Variants in C16orf86 observed in about 807,000 individuals in gnomAD.
C16orf86 encodes uncharacterized protein C16orf86.
Under a neutral mutation model 21.5 loss-of-function variants are expected in C16orf86, and 19 were observed. That is an observed-to-expected ratio of 0.88 (90% CI 0.62 to 1.30). The LOEUF is 1.30. Among genes scored for constraint, C16orf86 ranks in the 50% most tolerant of loss-of-function variants. The pLI is 0.00. For missense variants in C16orf86, 391 were observed against 415.8 expected (o/e 0.94, Z 0.52); for synonymous variants, 188 against 183.5 (o/e 1.02, Z -0.20).
At chr16:67,667,614 G>A (rs1324528001) in intron 2 of C16orf86, 89 bp downstream of exon 2, 2 of 1,547,136 alleles carry the variant, frequency 1.3e-6, no homozygotes, top group Admixed American at 2.0e-5. Flanking sequence ...CTCCTGCAGG[G>A]AGGATTCTCG....
rs773590886 is a variant in C16orf86, at chr16:67,668,217, C to T, written c.571C>T (p.Arg191Trp). The T allele has an allele frequency of 3.3e-5, 52 of 1,577,262 alleles. No homozygotes were observed. The highest frequency in any genetic ancestry group is 1.7e-4 in the Middle Eastern group (1 of 5,902). The change falls in exon 4 of 4, where the codon CGG becomes TGG. Residue 191 changes from arginine (R) to tryptophan (W), a missense_variant. Coordinates refer to ENST00000403458, the MANE Select transcript of C16orf86 (RefSeq NM_001012984.3). ...LRLERKAQRLRPLYQYVNYCN... is the reference protein window; with the variant it reads ...LRLERKAQRLWPLYQYVNYCN... Reference sequence around the variant, plus strand: ...CTTTGCAGGAAAGGCCCAGCGCCTGCGGCCGCTGTACCAGTACGTCAACTA... The same window carrying T: ...CTTTGCAGGAAAGGCCCAGCGCCTGTGGCCGCTGTACCAGTACGTCAACTA...
At position 67,667,348 on chromosome 16, in the gene C16orf86, C is replaced by T; in HGVS notation, c.155C>T (p.Thr52Ile). 1.9e-6 allele frequency: 3 copies of T among 1,612,670 alleles called. No homozygotes were observed. The highest frequency in any genetic ancestry group is 2.5e-6 in the Non-Finnish European group (3 of 1,179,864). ...FLVPAHEARG[T>I]QSEDQRPAGA... The stretch of plus-strand genomic sequence containing the variant: ...GTGCCTGCCCATGAGGCCCGCGGAA[C>T]CCAGAGTGAAGACCAGCGCCCAGCA... Residue 52 changes from threonine to isoleucine, a missense_variant, in exon 2 of 4, where the codon ACC (threonine) becomes ATC (isoleucine). Physicochemically the swap from Thr to Ile is moderately conservative, Grantham distance 89. Coordinates refer to ENST00000403458, the MANE Select transcript of C16orf86 (RefSeq NM_001012984.3).
chr16:67,667,403 G>A lies in C16orf86; in HGVS notation c.210G>A (p.Glu70=), dbSNP rs1424691815. The change falls in exon 2 of 4, where the codon GAG becomes GAA. Residue 70 remains glutamate, a synonymous_variant. Transcript: ENST00000403458. ...CAGCTTCGGAGTCGGAGCTCCAGGA[G>A]GAAGGACCCAAGCTGGGGGAGGAGC... is the stretch of plus-strand genomic sequence containing the variant. ...AGAASESELQ[E]EGPKLGEERP... 2.5e-6 allele frequency: 4 copies of A among 1,612,498 alleles called. No individual in the cohort carries two copies. Among genetic ancestry groups the A allele is most frequent in the African/African-American group, 1.3e-5 (1 of 74,944 alleles).
rs776702591 is a variant in C16orf86, at chr16:67,668,486, G to T, written c.840G>T (p.Leu280Phe). 11 of 1,613,160 alleles carry T rather than the reference G, an allele frequency of 6.8e-6. No individual in the cohort carries two copies. The highest frequency in any genetic ancestry group is 9.3e-6 in the Non-Finnish European group (11 of 1,179,804). The change falls in exon 4 of 4, where the codon TTG becomes TTT. Residue 280 changes from leucine to phenylalanine, a missense_variant. Transcript: ENST00000403458. The stretch of plus-strand genomic sequence containing the variant: ...AGGAGCCTGGGGGCTTGCCCAGCTT[G>T]GGGGTGAGTGACCACAAGGCCGAGG... ...AGEEPGGLPSLGVSDHKAEVD... is the reference protein window; with the variant it reads ...AGEEPGGLPSFGVSDHKAEVD...
chr16:67,667,184 C>A, intron 1 of C16orf86, 112 bp downstream of exon 1: 1 of 1,420,574 alleles, frequency 7.0e-7, no homozygotes, highest in Non-Finnish European at 9.7e-7. Context: ...CGGGGAGGGG[C>A]ACAGGCTGGT....
intron 1 of C16orf86, 93 bp downstream of exon 1, chr16:67,667,165 C>A (rs758429721): frequency 9.8e-6 from 14 of 1,429,558 alleles, no homozygotes; most frequent in Non-Finnish European, 1.2e-5. Flanking sequence ...CCAGGCTGGG[C>A]CCTCCAGGCG....
intron 2 of C16orf86, 75 bp from the exon 3 acceptor site, chr16:67,667,803 G>A: frequency 6.6e-7 from 1 of 1,520,748 alleles, no homozygotes; most frequent in South Asian, 1.2e-5. Context: ...GCTGTGGGCA[G>A]GCTGGGCTAT....
At chr16:67,667,705 G>A in intron 2 of C16orf86, 173 bp from the exon 3 acceptor site, 3 of 1,528,152 alleles carry the variant, frequency 2.0e-6, no homozygotes, top group Non-Finnish European at 2.6e-6. Flanking sequence ...GAGCTTCAGG[G>A]CTTGTAGGGG....
rs377734001 is a variant in C16orf86, at chr16:67,667,770, C to G, written c.333-108C>G. The G allele has an allele frequency of 2.8e-4, 429 of 1,515,936 alleles. 3 individuals carry two copies. The East Asian group carries it at 0.01, about 36-fold the overall frequency. The allele number at this position is 1,515,936 out of a possible 1,614,324, so 93.9% of individuals were successfully genotyped here. ...GGCCTGGGGTCTCATTGACCAGGAA[C>G]GGGACAGGCGTCGAGCCCTGGGGCT... On this transcript the variant is annotated intron_variant, in intron 2 of 3. Transcript: ENST00000403458.
rs980273860 is a variant in C16orf86 at position 67,667,999 on chromosome 16, C to T, written c.454C>T (p.Gln152Ter). The change falls in exon 3 of 4, where the codon CAG becomes TAG. Residue 152 changes from glutamine to a stop codon, truncating the protein, a stop_gained. Coordinates refer to ENST00000403458, the MANE Select transcript of C16orf86 (RefSeq NM_001012984.3). LOFTEE classifies it high-confidence loss of function. Reference sequence around the variant, plus strand: ...GAGTGAGCCCTCACCATCTGCCAAACAGCACAAAAAAGCCAAGAAGCGCAA... The same window carrying T: ...GAGTGAGCCCTCACCATCTGCCAAATAGCACAAAAAAGCCAAGAAGCGCAA... ...SQSEPSPSAK[Q>*]HKKAKKRKSL... 1.9e-6 allele frequency: 3 copies of T among 1,613,618 alleles called. No individual in the cohort carries two copies. The highest frequency in any genetic ancestry group is 2.2e-5 in the East Asian group (1 of 44,890).
rs757558110 is a variant in C16orf86 at position 67,667,522 on chromosome 16, T to A, written c.329T>A (p.Val110Asp). The change falls in exon 2 of 4, where the codon GTC becomes GAC. Residue 110 changes from valine (V) to aspartate (D), a missense_variant. By Grantham distance (152) the Val-to-Asp change is radical. Transcript: ENST00000403458. Reference sequence around the variant, plus strand: ...CGTCATGGTCCAAAGAGAAAGCCTGTCAAGTGAGGGGGCTCTCGGGGGGAA... The same window carrying A: ...CGTCATGGTCCAAAGAGAAAGCCTGACAAGTGAGGGGGCTCTCGGGGGGAA... ...RPRHGPKRKP[V>D]KSLSLPGLRA... 6.2e-7 allele frequency: 1 copy of A among 1,600,892 alleles called. No individual in the cohort carries two copies. Among genetic ancestry groups the A allele is most frequent in the East Asian group, 2.3e-5 (1 of 44,402 alleles).
chr16:67,667,539 C>T lies in C16orf86; in HGVS notation c.332+14C>T, dbSNP rs373870958. 3.1e-5 allele frequency: 49 copies of T among 1,588,212 alleles called. No homozygotes were observed. In the African/African-American group the frequency reaches 6.2e-4, roughly 20 times the overall value. ...AAAGCCTGTCAAGTGAGGGGGCTCT[C>T]GGGGGGAAGGAGCTGCAGCCCCGGG... On this transcript the variant is annotated intron_variant, in intron 2 of 3. Transcript: ENST00000403458.
chr16:67,667,853 C>G (rs1225947783), intron 2 of C16orf86, 25 bp from the exon 3 acceptor site: 2 of 1,536,978 alleles, frequency 1.3e-6, no homozygotes, highest in Admixed American at 2.0e-5. Flanking sequence ...TGGAGCCTGG[C>G]TCAAGTCTCT....
chr16:67,668,396 G>A lies in C16orf86; in HGVS notation c.750G>A (p.Leu250=). 1 of 1,612,472 alleles carries A rather than the reference G, an allele frequency of 6.2e-7. No individual in the cohort carries two copies. The highest frequency in any genetic ancestry group is 8.5e-7 in the Non-Finnish European group (1 of 1,179,736). ...LAGELGPGLA[L]PCPSPLVTPT... is the part of the protein sequence containing the mutation. ...GTGAGCTGGGCCCAGGCCTCGCTTT[G>A]CCCTGTCCCAGTCCACTAGTGACCC... Residue 250 remains leucine, a synonymous_variant, in exon 4 of 4, where the codon TTG becomes TTA. Transcript: ENST00000403458.
At chr16:67,667,189 G>A (rs2053115630) in intron 1 of C16orf86, 107 bp from the exon 2 acceptor site, 2 of 1,425,988 alleles carry the variant, frequency 1.4e-6, no homozygotes, top group Admixed American at 3.9e-5. Flanking sequence ...AGGGGCACAG[G>A]CTGGTGTCCT....
Position 67,667,945 on chromosome 16 carries a change from C to G in C16orf86, c.400C>G (p.Leu134Val). 1 of 1,613,246 alleles carries G rather than the reference C, an allele frequency of 6.2e-7. No individual in the cohort carries two copies. Among genetic ancestry groups the G allele is most frequent in the Non-Finnish European group, 8.5e-7 (1 of 1,179,822 alleles). Residue 134 changes from leucine (L) to valine (V), a missense_variant, in exon 3 of 4, where the codon CTG becomes GTG. By Grantham distance (32) the Leu-to-Val change is conservative. Coordinates refer to ENST00000403458, the MANE Select transcript of C16orf86 (RefSeq NM_001012984.3). ...AEAELPPKLP[L>V]QEEEPEDSQS... ...AGCTGAGCTGCCACCCAAGCTGCCGCTGCAGGAGGAGGAGCCAGAGGACAG... is the reference window on the plus strand; with the variant it reads ...AGCTGAGCTGCCACCCAAGCTGCCGGTGCAGGAGGAGGAGCCAGAGGACAG...
At chr16:67,667,170 C>T in intron 1 of C16orf86, 98 bp downstream of exon 1, 2 of 1,431,574 alleles carry the variant, frequency 1.4e-6, no homozygotes, top group Admixed American at 2.0e-5. Context: ...CTGGGCCCTC[C>T]AGGCGGGGAG....
Position 67,668,211 on chromosome 16 carries a change from C to T in C16orf86, c.565C>T (p.Arg189Cys), listed in dbSNP as rs372824675. Reference sequence around the variant, plus strand: ...CTGGGTCTTTGCAGGAAAGGCCCAGCGCCTGCGGCCGCTGTACCAGTACGT... The same window carrying T: ...CTGGGTCTTTGCAGGAAAGGCCCAGTGCCTGCGGCCGCTGTACCAGTACGT... ...ETLRLERKAQRLRPLYQYVNY... is the reference protein window; with the variant it reads ...ETLRLERKAQCLRPLYQYVNY... Residue 189 changes from arginine to cysteine, a missense_variant, in exon 4 of 4, where the codon CGC becomes TGC. Coordinates refer to ENST00000403458, the MANE Select transcript of C16orf86 (RefSeq NM_001012984.3). 20 of 1,575,028 alleles carry T rather than the reference C, an allele frequency of 1.3e-5. No homozygotes were observed. Among genetic ancestry groups the T allele is most frequent in the East Asian group, 6.8e-5 (3 of 44,384 alleles).
rs1794036346 is a variant in C16orf86, at chr16:67,667,401, G to A, written c.208G>A (p.Glu70Lys). The change falls in exon 2 of 4, where the codon GAG (glutamate) becomes AAG (lysine). Residue 70 changes from glutamate (E) to lysine (K), a missense_variant. Coordinates refer to ENST00000403458, the MANE Select transcript of C16orf86 (RefSeq NM_001012984.3). ...AGAASESELQEEGPKLGEERP... is the reference protein window; with the variant it reads ...AGAASESELQKEGPKLGEERP... ...CGCAGCTTCGGAGTCGGAGCTCCAG[G>A]AGGAAGGACCCAAGCTGGGGGAGGA... 1 of 1,612,618 alleles carries A rather than the reference G, an allele frequency of 6.2e-7. No homozygotes were observed.
Sources: gnomAD v4.1 joint callset for allele counts on GRCh38, gnomAD v4.1.1 for gene constraint, MANE v1.5 for transcripts, NCBI Gene and HGNC (gene_info 2026-07-23, HGNC 2026-07-21) for gene names.